MAGI1: variants seen among roughly 807,000 people sequenced by gnomAD.
MAGI1 encodes the protein membrane-associated guanylate kinase, WW and PDZ domain-containing protein 1.
A neutral mutation model predicts 139.9 loss-of-function variants in MAGI1; 58 were observed. The observed-to-expected ratio is 0.41, with a 90% CI of 0.34 to 0.52. The LOEUF (loss-of-function observed/expected upper bound fraction) is 0.52, where lower values mean the gene tolerates loss of function less well. Ranked by LOEUF, MAGI1 falls within the 20% of genes least tolerant of loss-of-function variation. The pLI is 0.12. For missense variants in MAGI1, 1,874 were observed against 1,901.6 expected, an observed-to-expected ratio of 0.99 and a Z score of 0.27; for synonymous variants, 812 against 737.9, an observed-to-expected ratio of 1.10 and a Z score of -1.63.
At chr3:65,549,961 T>C (rs1243149463) in intron 2 of MAGI1, among the ~76,000 whole-genome samples, 1 of 152,170 alleles carries the variant, frequency 6.6e-6, no homozygotes. Context: ...ATTAAGTGAT[T>C]ACTATGAGCC....
chr3:66,012,511 C>T (rs958332039), intron 1 of MAGI1, among the ~76,000 whole-genome samples: 1 of 152,036 alleles, frequency 6.6e-6, no homozygotes, highest in Non-Finnish European at 1.5e-5. Flanking sequence ...GAGATAAAAA[C>T]AGACAACCAT....
chr3:65,672,704 G>C (rs17073386), intron 1 of MAGI1, among the ~76,000 whole-genome samples: 2,725 of 152,304 alleles, frequency 0.018, 82 homozygotes, highest in African/African-American at 0.062. Context: ...TATCAATTCA[G>C]TTGATCAGAT....
At chr3:65,552,651 A>G (rs2079895081) in intron 2 of MAGI1, among the ~76,000 whole-genome samples, 4 of 152,206 alleles carry the variant, frequency 2.6e-5, no homozygotes, top group Admixed American at 2.6e-4. Context: ...CATATAGATG[A>G]AAATGGGCCT....
intron 1 of MAGI1, among the ~76,000 whole-genome samples, chr3:65,838,573 C>G (rs905689406): frequency 6.6e-6 from 1 of 152,064 alleles, no homozygotes; most frequent in Non-Finnish European, 1.5e-5. Context: ...ATAGTTTGTT[C>G]CTCTTTATTG....
rs537914108 is a variant in MAGI1, at chr3:65,656,086, A to T, written c.314-33998T>A. Among the ~76,000 whole-genome samples the T allele has an allele frequency of 3.9e-5, 6 of 152,256 alleles. No homozygotes were observed. The South Asian group carries it at 1.2e-3, about 32-fold the overall frequency. On this transcript the variant is annotated intron_variant, in intron 1 of 22. Coordinates refer to ENST00000402939, the MANE Select transcript of MAGI1 (RefSeq NM_001033057.2). Reference sequence around the variant, plus strand: ...TAACCATTCTGGATTTCAGTTTCCTAATAAAAATATAATCTCCTAATGTCA... The same window carrying T: ...TAACCATTCTGGATTTCAGTTTCCTTATAAAAATATAATCTCCTAATGTCA...
intron 1 of MAGI1, among the ~76,000 whole-genome samples, chr3:65,904,007 C>CAA (rs562994010): frequency 8.8e-5 from 12 of 136,760 alleles, no homozygotes; most frequent in Middle Eastern, 3.6e-3. Context: ...GACTCTTTCT[C>CAA]AAAAAAAAAA....
intron 2 of MAGI1, among the ~76,000 whole-genome samples, chr3:65,522,538 T>C (rs185862645): frequency 8.5e-5 from 13 of 152,262 alleles, no homozygotes; most frequent in Admixed American, 7.2e-4. Context: ...CAACAACAAA[T>C]ACAAATTTAA....
rs560977757 is a variant in MAGI1 at position 65,540,306 on chromosome 3, C to T, written c.431-46675G>A. Among the ~76,000 whole-genome samples, 5 of 152,292 alleles carry T rather than the reference C, an allele frequency of 3.3e-5. No individual in the cohort carries two copies. The South Asian group carries it at 8.3e-4, about 25-fold the overall frequency. Reference sequence around the variant, plus strand: ...TCAAACCCCTTTATTCTCTATCCCCCTCACCCTGATTCATTATTTTACATA... The same window carrying T: ...TCAAACCCCTTTATTCTCTATCCCCTTCACCCTGATTCATTATTTTACATA... On this transcript the variant is annotated intron_variant, in intron 2 of 22. Coordinates refer to ENST00000402939, the MANE Select transcript of MAGI1 (RefSeq NM_001033057.2).
intron 1 of MAGI1, among the ~76,000 whole-genome samples, chr3:65,716,625 T>C (rs1559814847): frequency 6.6e-6 from 1 of 152,218 alleles, no homozygotes; most frequent in Non-Finnish European, 1.5e-5. Context: ...GTTTACTTCC[T>C]TTCTCAGTAT....
intron 2 of MAGI1, among the ~76,000 whole-genome samples, chr3:65,504,680 C>T (rs987531053): frequency 1.1e-4 from 16 of 152,248 alleles, no homozygotes; most frequent in African/African-American, 3.6e-4. Context: ...ATGGAGTTGA[C>T]GGTCTGGGAG....
intron 2 of MAGI1, among the ~76,000 whole-genome samples, chr3:65,603,838 T>C (rs2082601344): frequency 6.6e-6 from 1 of 152,012 alleles, no homozygotes; most frequent in South Asian, 2.1e-4. Flanking sequence ...TGTTACAGCA[T>C]CCCCCAGAAG....
intron 2 of MAGI1, among the ~76,000 whole-genome samples, chr3:65,605,520 C>G (rs1369606211): frequency 6.6e-6 from 1 of 152,110 alleles, no homozygotes; most frequent in Non-Finnish European, 1.5e-5. Flanking sequence ...GCTCTTCTTC[C>G]TGCAGACAGA....
At chr3:65,938,001 T>C (rs1186103371) in intron 1 of MAGI1, among the ~76,000 whole-genome samples, 1 of 152,112 alleles carries the variant, frequency 6.6e-6, no homozygotes, top group African/African-American at 2.4e-5. Context: ...TATTAGGAAA[T>C]AAATGGCTGA....
chr3:65,594,756 G>T (rs1340437508), intron 2 of MAGI1, among the ~76,000 whole-genome samples: 1 of 152,228 alleles, frequency 6.6e-6, no homozygotes, highest in East Asian at 1.9e-4. Flanking sequence ...TGCAAATACA[G>T]TTGCAAAGAA....
intron 1 of MAGI1, among the ~76,000 whole-genome samples, chr3:65,871,840 A>C (rs2059949440): frequency 6.6e-6 from 1 of 152,244 alleles, no homozygotes; most frequent in Admixed American, 6.5e-5. Context: ...AACCCCACGC[A>C]GTCATTGTCC....
intron 1 of MAGI1, among the ~76,000 whole-genome samples, chr3:65,781,477 A>C (rs77127189): frequency 0.016 from 2,366 of 152,290 alleles, 38 homozygotes; most frequent in African/African-American, 0.043. Flanking sequence ...CAGGTTTGTT[A>C]TATATAAACA....
At chr3:65,671,154 G>C (rs1051346722) in intron 1 of MAGI1, among the ~76,000 whole-genome samples, 1 of 152,174 alleles carries the variant, frequency 6.6e-6, no homozygotes, top group African/African-American at 2.4e-5. Context: ...AGACAACTGA[G>C]CTTCAAGAGA....
At chr3:65,712,700 C>A in intron 1 of MAGI1, among the ~76,000 whole-genome samples, 1 of 152,014 alleles carries the variant, frequency 6.6e-6, no homozygotes, top group South Asian at 2.1e-4. Context: ...TTAGTAGAGA[C>A]GAGGTTTCAC....
At chr3:66,014,003 G>A (rs1360282793) in intron 1 of MAGI1, among the ~76,000 whole-genome samples, 1 of 152,112 alleles carries the variant, frequency 6.6e-6, no homozygotes, top group Non-Finnish European at 1.5e-5. Context: ...TAATGTATCA[G>A]GGCCATCTTC....
Sources: gnomAD v4.1 joint callset for allele counts (sites outside exome capture counted in the v4.1 genomes callset) on GRCh38, gnomAD v4.1.1 for gene constraint, MANE v1.5 for transcripts, NCBI Gene and HGNC (gene_info 2026-07-23, HGNC 2026-07-21) for gene names.